The following VSNL1 variants were observed in gnomAD, a reference collection of about 807,000 sequenced individuals.
VSNL1 encodes the protein visinin-like protein 1.
Under a neutral mutation model 20.4 loss-of-function variants are expected in VSNL1, and 6 were observed. That is an observed-to-expected ratio of 0.29 (90% CI 0.16 to 0.58). The LOEUF (loss-of-function observed/expected upper bound fraction) is 0.58, where lower values mean the gene tolerates loss of function less well. Among genes scored for constraint, VSNL1 ranks in the 20% least tolerant of loss-of-function variants. The pLI is 0.90. For missense variants in VSNL1, 100 were observed against 234.5 expected (o/e 0.43, Z 3.75); for synonymous variants, 93 against 86.4 (o/e 1.08, Z -0.42).
At chr2:17,588,454 ATATG>A (rs1664527091) in intron 1 of VSNL1, among the ~76,000 whole-genome samples, 1 of 152,170 alleles carries the variant, frequency 6.6e-6, no homozygotes, top group Non-Finnish European at 1.5e-5. Flanking sequence ...CTTCCCCCTC[ATATG>A]GTGTAGCGGA....
At chr2:17,583,542 T>C (rs527313751) in intron 1 of VSNL1, among the ~76,000 whole-genome samples, 3 of 152,230 alleles carry the variant, frequency 2.0e-5, no homozygotes, top group African/African-American at 7.2e-5. Context: ...ACAGTACACA[T>C]AGGGAAGTAA....
intron 1 of VSNL1, among the ~76,000 whole-genome samples, chr2:17,572,278 T>C (rs1664102346): frequency 6.6e-6 from 1 of 152,216 alleles, no homozygotes. Context: ...TCTTCTTCCA[T>C]TGGTCCTTCC....
At chr2:17,584,656 G>A (rs560821510) in intron 1 of VSNL1, among the ~76,000 whole-genome samples, 2 of 152,226 alleles carry the variant, frequency 1.3e-5, no homozygotes, top group East Asian at 3.9e-4. Context: ...ACTTCACTGG[G>A]AGCAGCTGGG....
At chr2:17,611,514 T>A (rs1480649864) in intron 2 of VSNL1, among the ~76,000 whole-genome samples, 1 of 152,228 alleles carries the variant, frequency 6.6e-6, no homozygotes, top group Non-Finnish European at 1.5e-5. Context: ...TGTGGGGTAG[T>A]GCACTCACAT....
intron 1 of VSNL1, among the ~76,000 whole-genome samples, chr2:17,588,519 A>T (rs906159983): frequency 2.6e-5 from 4 of 152,224 alleles, no homozygotes; most frequent in African/African-American, 7.2e-5. Flanking sequence ...TCTTTCTGTT[A>T]TGCTGGTCCC....
chr2:17,553,309 GA>G (rs896899625), intron 1 of VSNL1, among the ~76,000 whole-genome samples: 2 of 152,088 alleles, frequency 1.3e-5, no homozygotes, highest in African/African-American at 4.8e-5. Context: ...TTTCCCATAT[GA>G]AAAGGCAGAA....
intron 1 of VSNL1, among the ~76,000 whole-genome samples, chr2:17,573,001 G>A (rs1362859201): frequency 2.0e-5 from 3 of 152,174 alleles, no homozygotes; most frequent in South Asian, 2.1e-4. Context: ...ACATATAAAA[G>A]CCTACAGGAC....
At chr2:17,632,960 T>A (rs1403262346) in intron 2 of VSNL1, among the ~76,000 whole-genome samples, 3 of 152,200 alleles carry the variant, frequency 2.0e-5, no homozygotes, top group Non-Finnish European at 4.4e-5. Flanking sequence ...TCAAGACCAC[T>A]CTGACCAATA....
intron 2 of VSNL1, among the ~76,000 whole-genome samples, chr2:17,594,218 C>T (rs572240089): frequency 6.6e-6 from 1 of 152,302 alleles, no homozygotes; most frequent in South Asian, 2.1e-4. Context: ...CTCCCACCTC[C>T]CCATCTCACT....
At chr2:17,555,534 T>C (rs892153726) in intron 1 of VSNL1, among the ~76,000 whole-genome samples, 1 of 152,166 alleles carries the variant, frequency 6.6e-6, no homozygotes, top group African/African-American at 2.4e-5. Flanking sequence ...CTGAACAGTC[T>C]GTGAATTCCT....
intron 1 of VSNL1, among the ~76,000 whole-genome samples, chr2:17,544,980 C>T (rs909396963): frequency 2.0e-5 from 3 of 152,072 alleles, no homozygotes; most frequent in African/African-American, 4.8e-5. Flanking sequence ...CCCTCCAATC[C>T]ATTTTTAAAA....
At chr2:17,545,043 C>T (rs1483943496) in intron 1 of VSNL1, among the ~76,000 whole-genome samples, 13 of 151,978 alleles carry the variant, frequency 8.6e-5, no homozygotes, top group Admixed American at 6.6e-5. Context: ...AATATGAATT[C>T]GTTGTCTGGA....
intron 2 of VSNL1, among the ~76,000 whole-genome samples, chr2:17,607,190 A>C (rs1048770437): frequency 6.6e-6 from 1 of 152,178 alleles, no homozygotes; most frequent in South Asian, 2.1e-4. Context: ...GGGCTGAGCC[A>C]GGAGGCCCTG....
Position 17,592,099 on chromosome 2 carries a change from G to T in VSNL1, c.25G>T (p.Ala9Ser). MGKQNSKL[A>S]PEVMEDLVKS... ...GATGGGGAAGCAGAATAGCAAACTG[G>T]CCCCTGAAGTGATGGAGGACCTGGT... Residue 9 changes from alanine to serine, a missense_variant, in exon 2 of 4, where the codon GCC (alanine) becomes TCC (serine). Ala to Ser is a moderately conservative substitution (Grantham distance 99). Coordinates refer to ENST00000295156, the MANE Select transcript of VSNL1 (RefSeq NM_003385.5). The T allele has an allele frequency of 6.2e-7, 1 of 1,613,778 alleles. No individual in the cohort carries two copies. Among genetic ancestry groups the T allele is most frequent in the Non-Finnish European group, 8.5e-7 (1 of 1,179,788 alleles).
chr2:17,577,869 GT>G (rs1186861734), intron 1 of VSNL1, among the ~76,000 whole-genome samples: 4 of 152,078 alleles, frequency 2.6e-5, no homozygotes, highest in Admixed American at 6.5e-5. Context: ...TGACAGAATA[GT>G]TTACAATGGC....
At chr2:17,612,796 G>A (rs1401608561) in intron 2 of VSNL1, among the ~76,000 whole-genome samples, 1 of 152,150 alleles carries the variant, frequency 6.6e-6, no homozygotes, top group African/African-American at 2.4e-5. Context: ...CAATTCCTTC[G>A]TTTCCCAGAC....
chr2:17,544,352 T>C (rs1663360823), intron 1 of VSNL1, among the ~76,000 whole-genome samples: 1 of 152,192 alleles, frequency 6.6e-6, no homozygotes, highest in East Asian at 1.9e-4. Context: ...TACCCATTCA[T>C]ATACCCTTGC....
At chr2:17,609,656 A>C (rs992828830) in intron 2 of VSNL1, among the ~76,000 whole-genome samples, 1 of 152,210 alleles carries the variant, frequency 6.6e-6, no homozygotes, top group African/African-American at 2.4e-5. Flanking sequence ...GTTAGTGCTA[A>C]AATACCCTGT....
intron 1 of VSNL1, among the ~76,000 whole-genome samples, chr2:17,576,097 A>T (rs976204019): frequency 7.9e-5 from 12 of 152,188 alleles, no homozygotes; most frequent in African/African-American, 2.9e-4. Context: ...GTTTCTGCAT[A>T]TAGTCCACAC....
Sources: gnomAD v4.1 joint callset for allele counts (sites outside exome capture counted in the v4.1 genomes callset) on GRCh38, gnomAD v4.1.1 for gene constraint, MANE v1.5 for transcripts, NCBI Gene and HGNC (gene_info 2026-07-23, HGNC 2026-07-21) for gene names.